GALNT13: variants seen among roughly 807,000 people sequenced by gnomAD.
The protein encoded by GALNT13 is UDP-GalNAc:polypeptide N-acetylgalactosaminyltransferase 13.
A neutral mutation model predicts 64.2 loss-of-function variants in GALNT13; 28 were observed. The observed-to-expected ratio is 0.44, with a 90% CI of 0.32 to 0.60. The LOEUF is 0.60. GALNT13 is among the 20% of genes least tolerant of loss of function. GALNT13 has a pLI of 0.05. For missense variants in GALNT13, 577 were observed against 669.8 expected, an observed-to-expected ratio of 0.86 and a Z score of 1.53; for synonymous variants, 214 against 224.6, an observed-to-expected ratio of 0.95 and a Z score of 0.42.
At chr2:154,456,292 C>G (rs1359364745), downstream of GALNT13, among the ~76,000 whole-genome samples, 2 of 151,672 alleles carry the variant, frequency 1.3e-5, no homozygotes, top group Non-Finnish European at 2.9e-5. Context: ...GGTTCTTTAA[C>G]ATTTATAAAA....
intron 2 of GALNT13, among the ~76,000 whole-genome samples, chr2:153,912,449 T>G (rs889351367): frequency 1.3e-5 from 2 of 152,220 alleles, no homozygotes; most frequent in African/African-American, 4.8e-5. Context: ...CTTGGAGAAC[T>G]AGGGTGGTCA....
At chr2:153,208,618 G>A in the GALNT13 span, among the ~76,000 whole-genome samples, 1 of 152,160 alleles carries the variant, frequency 6.6e-6, no homozygotes, top group South Asian at 2.1e-4. Flanking sequence ...AGATTTGAAT[G>A]TGAGTCTTTG....
At chr2:153,675,666 C>T in the GALNT13 span, among the ~76,000 whole-genome samples, 1 of 152,082 alleles carries the variant, frequency 6.6e-6, no homozygotes, top group Admixed American at 6.6e-5. Context: ...ACATTGTGCA[C>T]ATTTACCCTA....
At chr2:153,119,894 C>T in the GALNT13 span, among the ~76,000 whole-genome samples, 1 of 152,206 alleles carries the variant, frequency 6.6e-6, no homozygotes. Flanking sequence ...CTTCCCTTCC[C>T]TACATCATGT....
the GALNT13 span, among the ~76,000 whole-genome samples, chr2:153,722,439 G>C: frequency 2.1e-5 from 3 of 142,672 alleles, no homozygotes; most frequent in East Asian, 4.1e-4. Flanking sequence ...CTAGCAGAAG[G>C]CAAGAAATAA....
intron 1 of GALNT13, among the ~76,000 whole-genome samples, chr2:153,889,479 T>C (rs148024730): frequency 5.3e-5 from 8 of 152,124 alleles, no homozygotes; most frequent in Non-Finnish European, 1.0e-4. Context: ...TTACTTTCTG[T>C]CTGTTTGCTT....
chr2:153,971,315 T>TG (rs1693724083), intron 3 of GALNT13, among the ~76,000 whole-genome samples: 1 of 152,146 alleles, frequency 6.6e-6, no homozygotes, highest in Non-Finnish European at 1.5e-5. Flanking sequence ...TACCACTGTA[T>TG]TTTTCACTGC....
chr2:153,914,253 AAGAATGATGTCCTTGAGGTC>A (rs1217458236), intron 2 of GALNT13, among the ~76,000 whole-genome samples: 4 of 152,104 alleles, frequency 2.6e-5, no homozygotes, highest in African/African-American at 9.7e-5. Context: ...TTTTACTGTT[AAGAATGATGTCCTTGAGGTC>A]AGGAGTTCGA....
Position 153,887,569 on chromosome 2 carries a change from T to G in GALNT13, c.-176-13367T>G, listed in dbSNP as rs151078019. On this transcript the variant is annotated intron_variant, in intron 1 of 12. Transcript: ENST00000392825. ...ATGTGTGAAGGCAAAGGTGCATTCATTTCATGATAAATATTATGATATTAT... is the reference window on the plus strand; with the variant it reads ...ATGTGTGAAGGCAAAGGTGCATTCAGTTCATGATAAATATTATGATATTAT... 4.6e-3 allele frequency among the ~76,000 whole-genome samples: 694 copies of G among 151,922 alleles called. 3 individuals carry two copies. The highest frequency in any genetic ancestry group is 7.5e-3 in the Non-Finnish European group (506 of 67,912).
At chr2:153,284,294 A>G in the GALNT13 span, among the ~76,000 whole-genome samples, 1 of 152,156 alleles carries the variant, frequency 6.6e-6, no homozygotes, top group Admixed American at 6.5e-5. Context: ...TTCCTGCTAC[A>G]GGCCTGCAAT....
chr2:153,359,575 G>C, the GALNT13 span, among the ~76,000 whole-genome samples: 2 of 129,018 alleles, frequency 1.6e-5, no homozygotes, highest in Non-Finnish European at 3.1e-5. Flanking sequence ...AGAGAGTGAA[G>C]ATGTGAGCAC....
At chr2:153,671,364 C>CT in the GALNT13 span, among the ~76,000 whole-genome samples, 1 of 152,130 alleles carries the variant, frequency 6.6e-6, no homozygotes, top group Non-Finnish European at 1.5e-5. Flanking sequence ...CTGCAGAAAC[C>CT]TTACAAGCCA....
At chr2:154,173,482 TA>T (rs200070956) in intron 4 of GALNT13, among the ~76,000 whole-genome samples, 2,087 of 152,056 alleles carry the variant, frequency 0.014, 24 homozygotes, top group Middle Eastern at 0.037. Flanking sequence ...TGATCCAGGA[TA>T]TTGTTCTGGA....
chr2:154,296,502 C>A (rs1467047818), intron 8 of GALNT13, among the ~76,000 whole-genome samples: 1 of 152,174 alleles, frequency 6.6e-6, no homozygotes, highest in African/African-American at 2.4e-5. Context: ...AGCCTCTTTA[C>A]CAAACACCTT....
At chr2:153,739,960 A>G in the GALNT13 span, among the ~76,000 whole-genome samples, 1,606 of 151,874 alleles carry the variant, frequency 0.011, 20 homozygotes, top group Non-Finnish European at 0.017. Flanking sequence ...TTGTACTTGG[A>G]GTTTTATTTG....
chr2:153,379,286 C>T, the GALNT13 span, among the ~76,000 whole-genome samples: 4 of 152,060 alleles, frequency 2.6e-5, no homozygotes, highest in African/African-American at 9.7e-5. Context: ...CTCATAATAA[C>T]CAAGCAAGTC....
chr2:153,206,726 T>G, the GALNT13 span, among the ~76,000 whole-genome samples: 1 of 152,066 alleles, frequency 6.6e-6, no homozygotes, highest in African/African-American at 2.4e-5. Flanking sequence ...TTGGCTATAT[T>G]AAAGTTTGAA....
the GALNT13 span, among the ~76,000 whole-genome samples, chr2:153,078,937 GTGT>G: frequency 2.0e-5 from 3 of 152,132 alleles, no homozygotes; most frequent in African/African-American, 4.8e-5. Flanking sequence ...GTATTTTTAT[GTGT>G]TGTTGTAATT....
the GALNT13 span, among the ~76,000 whole-genome samples, chr2:153,464,602 A>G: frequency 3.9e-5 from 6 of 152,084 alleles, no homozygotes; most frequent in African/African-American, 1.4e-4. Context: ...AAATTATATT[A>G]TAGCGAGCAG....
Sources: gnomAD v4.1 joint callset for allele counts (sites outside exome capture counted in the v4.1 genomes callset) on GRCh38, gnomAD v4.1.1 for gene constraint, MANE v1.5 for transcripts, NCBI Gene and HGNC (gene_info 2026-07-23, HGNC 2026-07-21) for gene names.